ANKRA2: variants seen among roughly 807,000 people sequenced by gnomAD.
ANKRA2 encodes the protein ankyrin repeat family A member 2, also known as ankyrin repeat family A protein 2.
A neutral mutation model predicts 37.8 loss-of-function variants in ANKRA2; 33 were observed. The ratio of observed to expected loss-of-function variants is 0.87; its 90% CI spans 0.66 to 1.17. The LOEUF (loss-of-function observed/expected upper bound fraction) is 1.17. ANKRA2 is among the 50% of genes most tolerant of loss of function. The pLI, the probability that ANKRA2 is intolerant of heterozygous loss-of-function variation, is 0.00. For synonymous variants in ANKRA2, 126 were observed against 132.3 expected (o/e 0.95, Z 0.33); for missense variants, 326 against 373.7 (o/e 0.87, Z 1.05).
chr5:73,554,096 C>CA (rs1170736994), intron 7 of ANKRA2, among the ~76,000 whole-genome samples: 1 of 152,106 alleles, frequency 6.6e-6, no homozygotes, highest in African/African-American at 2.4e-5. Flanking sequence ...TGTGACCCCC[C>CA]AAATGAAAGC....
Position 73,554,894 on chromosome 5 carries a change from A to T in ANKRA2, c.705T>A (p.Leu235=). 6.2e-7 allele frequency: 1 copy of T among 1,613,890 alleles called. No individual in the cohort carries two copies. Residue 235 remains leucine (L), a synonymous_variant, in exon 6 of 9, where the codon CTT becomes CTA. Coordinates refer to ENST00000296785, the MANE Select transcript of ANKRA2 (RefSeq NM_023039.5). ...KGYTDIVKML[L]DCGVDVNEYD... ...ATTCATTTACATCAACTCCACAATC[A>T]AGCAGCATTTTGACAATATCTGTGT...
At chr5:73,553,549 G>A (rs980287463) in intron 7 of ANKRA2, 63 bp from the exon 8 acceptor site, 4 of 1,360,714 alleles carry the variant, frequency 2.9e-6, no homozygotes, top group Non-Finnish European at 4.2e-6. Context: ...GTCTGTTATT[G>A]GCTCATGTAC....
In ANKRA2 at chr5:73,565,566, GC is replaced by G. The variant is rs549890909; in HGVS notation, c.-540del. 51 of 235,236 alleles carry G rather than the reference GC, an allele frequency of 2.2e-4. 1 individual carries two copies. The highest frequency in any genetic ancestry group is 2.1e-3 in the South Asian group (51 of 24,502). The allele number at this position is 235,236 out of a possible 1,614,324, so 14.6% of individuals were successfully genotyped here. ...GTTTTTGCCGCCTTTACGCTCCGAG[GC>G]CCATCCTGCCGGAGTACTACACAGA... On this transcript the variant is annotated 5_prime_UTR_variant, in exon 1 of 9. An upstream open reading frame in the 5' UTR loses its in-frame stop. Coordinates refer to ENST00000296785, the MANE Select transcript of ANKRA2 (RefSeq NM_023039.5).
intron 3 of ANKRA2, among the ~76,000 whole-genome samples, chr5:73,559,375 A>G (rs1017861033): frequency 9.2e-5 from 14 of 152,134 alleles, no homozygotes; most frequent in African/African-American, 3.4e-4. Context: ...TACTTATACT[A>G]TATAGAATAT....
In ANKRA2 at chr5:73,555,169, C is replaced by T. The variant is rs111846835; in HGVS notation, c.613-183G>A. On this transcript the variant is annotated intron_variant, in intron 5 of 8. Coordinates refer to ENST00000296785, the MANE Select transcript of ANKRA2 (RefSeq NM_023039.5). ...GATTGCCTGGATGCCTTCCTTCCTC[C>T]GTCCTGTATCAATCCTAATTATCCT... The T allele has an allele frequency of 2.1e-4, 301 of 1,409,578 alleles. No individual in the cohort carries two copies. The African/African-American group carries it at 3.8e-3, about 18-fold the overall frequency. The allele number at this position is 1,409,578 out of a possible 1,614,324, so 87.3% of individuals were successfully genotyped here. A position where few individuals can be genotyped will look rare whatever the true frequency, so the allele number is the denominator to read the frequency against.
At chr5:73,560,169 ATTTATT>A (rs1391612987) in intron 3 of ANKRA2, among the ~76,000 whole-genome samples, 5 of 152,180 alleles carry the variant, frequency 3.3e-5, no homozygotes, top group Non-Finnish European at 5.9e-5. Context: ...TAATGCATTT[ATTTATT>A]TTTAATTGAC....
At chr5:73,560,980 T>C (rs1440609911) in intron 3 of ANKRA2, 150 bp downstream of exon 3, 2 of 825,178 alleles carry the variant, frequency 2.4e-6, no homozygotes, top group Non-Finnish European at 3.6e-6. Flanking sequence ...AGAATTTCCT[T>C]CTTTTTTAAG....
intron 6 of ANKRA2, 29 bp downstream of exon 6, chr5:73,554,832 T>C (rs1747354605): frequency 1.3e-6 from 2 of 1,598,218 alleles, no homozygotes; most frequent in African/African-American, 2.7e-5. Flanking sequence ...CTTGCTAGAG[T>C]CATTTTAAAT....
rs149265461 is a variant in ANKRA2, at chr5:73,552,856, G to C, written c.887-4C>G. 1,564 of 1,596,630 alleles carry C rather than the reference G, an allele frequency of 9.8e-4. 25 individuals are homozygous for C. The East Asian group carries it at 0.026, about 27-fold the overall frequency. On this transcript the variant is annotated splice_region_variant and splice_polypyrimidine_tract_variant and intron_variant, in intron 8 of 8. Transcript: ENST00000296785. ...TGTGACTCAATAACCTGTTGAACTA[G>C]AACAGATAGGTAATCAAGATTACAG...
intron 3 of ANKRA2, among the ~76,000 whole-genome samples, chr5:73,559,659 ATTAACTC>A (rs1747491829): frequency 7.9e-6 from 1 of 126,450 alleles, no homozygotes; most frequent in Non-Finnish European, 1.8e-5. Context: ...TTTATTATTT[ATTAACTC>A]ACTATTTTTA....
Position 73,562,877 on chromosome 5 carries a change from T to C in ANKRA2, c.5A>G (p.Asp2Gly), listed in dbSNP as rs767851247. 1.3e-6 allele frequency: 2 copies of C among 1,597,810 alleles called. No homozygotes were observed. Among genetic ancestry groups the C allele is most frequent in the Non-Finnish European group, 1.7e-6 (2 of 1,170,628 alleles). Residue 2 changes from aspartate (D) to glycine (G), a missense_variant, in exon 2 of 9, where the codon GAT becomes GGT. Around this residue, in one of 3 missense-constraint regions of ANKRA2, gnomAD observed 93 missense variants for 91.1 expected, o/e 1.02. Coordinates refer to ENST00000296785, the MANE Select transcript of ANKRA2 (RefSeq NM_023039.5). ...TCCAATATCCAGATTTGTTGATGTA[T>C]CCATGATTTCAACTGTAGTTTCAAT... is the stretch of plus-strand genomic sequence containing the variant. Reference protein sequence around the residue: MDTSTNLDIGAQ... With the variant: MGTSTNLDIGAQ...
intron 7 of ANKRA2, 25 bp from the exon 8 acceptor site, chr5:73,553,511 T>C (rs1747306548): frequency 6.4e-7 from 1 of 1,562,740 alleles, no homozygotes. Flanking sequence ...AAAAACTACA[T>C]AAATGAAATG....
At chr5:73,564,573 C>T (rs1435441074) in intron 1 of ANKRA2, among the ~76,000 whole-genome samples, 1 of 152,320 alleles carries the variant, frequency 6.6e-6, no homozygotes, top group South Asian at 2.1e-4. Flanking sequence ...TGGCTTTCCA[C>T]TCCCAACATC....
At chr5:73,554,139 T>A (rs1747331979) in intron 7 of ANKRA2, among the ~76,000 whole-genome samples, 183 bp downstream of exon 7, 4 of 152,176 alleles carry the variant, frequency 2.6e-5, no homozygotes, top group Admixed American at 2.6e-4. Context: ...GCAGGTGTGG[T>A]ATGTGATGGA....
chr5:73,554,515 A>G, intron 6 of ANKRA2, 127 bp from the exon 7 acceptor site: 1 of 667,018 alleles, frequency 1.5e-6, no homozygotes, highest in South Asian at 2.0e-5. Context: ...TATTTTGTGA[A>G]GGATACTTAA....
intron 7 of ANKRA2, 31 bp from the exon 8 acceptor site, chr5:73,553,517 A>C: frequency 6.5e-7 from 1 of 1,533,828 alleles, no homozygotes; most frequent in Non-Finnish European, 9.0e-7. Context: ...TACATAAATG[A>C]AATGAAAATG....
At chr5:73,561,368 A>C (rs1047144234) in intron 2 of ANKRA2, 80 bp from the exon 3 acceptor site, 1 of 1,349,868 alleles carries the variant, frequency 7.4e-7, no homozygotes, top group Non-Finnish European at 1.0e-6. Context: ...GAAAAGAAAT[A>C]CATGAGGTGT....
intron 1 of ANKRA2, among the ~76,000 whole-genome samples, chr5:73,563,272 T>C (rs1747604565): frequency 6.6e-6 from 1 of 152,212 alleles, no homozygotes; most frequent in Non-Finnish European, 1.5e-5. Context: ...CCAAATGAAA[T>C]ACTGTACAGT....
chr5:73,555,590 T>G lies in ANKRA2; in HGVS notation c.515-5A>C. 6.2e-7 allele frequency: 1 copy of G among 1,612,394 alleles called. No homozygotes were observed. On this transcript the variant is annotated splice_polypyrimidine_tract_variant and splice_region_variant and intron_variant, in intron 4 of 8. Coordinates refer to ENST00000296785, the MANE Select transcript of ANKRA2 (RefSeq NM_023039.5). Reference sequence around the variant, plus strand: ...CCGTGTGATTGATAACATTTTCTATTTAAAAGAAAAGCAATTTTTGTGATC... The same window carrying G: ...CCGTGTGATTGATAACATTTTCTATGTAAAAGAAAAGCAATTTTTGTGATC...
Sources: allele counts gnomAD v4.1 joint callset (sites outside exome capture counted in the v4.1 genomes callset), GRCh38; gene constraint gnomAD v4.1.1; regional missense constraint gnomAD v4.1.1; transcripts MANE v1.5; gene names NCBI Gene and HGNC (gene_info 2026-07-23, HGNC 2026-07-21).